The following CATSPER3 variants were observed in gnomAD, a reference collection of about 807,000 sequenced individuals.
The protein encoded by CATSPER3 is cation channel sperm associated 3.
In CATSPER3, 23 loss-of-function variants were observed where a neutral mutation model predicts 36.6. The ratio of observed to expected loss-of-function variants is 0.63; its 90% CI spans 0.45 to 0.89. CATSPER3 has a LOEUF of 0.89. CATSPER3 is among the 40% of genes least tolerant of loss of function. The pLI, the probability that CATSPER3 is intolerant of heterozygous loss-of-function variation, is 0.00. For missense variants in CATSPER3, 474 were observed against 503.9 expected (o/e 0.94, Z 0.57); for synonymous variants, 172 against 184.1 (o/e 0.93, Z 0.53).
intron 3 of CATSPER3, among the ~76,000 whole-genome samples, chr5:135,002,195 A>G (rs1480259842): frequency 6.6e-6 from 1 of 152,100 alleles, no homozygotes; most frequent in Non-Finnish European, 1.5e-5. Flanking sequence ...TTGTCTGTAA[A>G]GTATTTTATT....
At chr5:134,984,863 T>A (rs1270592050) in intron 2 of CATSPER3, among the ~76,000 whole-genome samples, 6 of 151,148 alleles carry the variant, frequency 4.0e-5, no homozygotes, top group African/African-American at 1.5e-4. Flanking sequence ...TTGCCCAGAC[T>A]GGAGTGCAGT....
chr5:135,011,348 C>G (rs553582053), intron 7 of CATSPER3, among the ~76,000 whole-genome samples, 173 bp from the exon 8 acceptor site: 2 of 152,312 alleles, frequency 1.3e-5, no homozygotes, highest in African/African-American at 4.8e-5. Context: ...CTCCAGGGGG[C>G]CCCAGGCAGA....
At chr5:134,997,351 T>A (rs1751962859) in intron 3 of CATSPER3, among the ~76,000 whole-genome samples, 2 of 152,228 alleles carry the variant, frequency 1.3e-5, no homozygotes, top group Admixed American at 1.3e-4. Context: ...CCTTTGTTTG[T>A]TTCTTGCTGT....
intron 3 of CATSPER3, among the ~76,000 whole-genome samples, chr5:134,997,033 C>T (rs1387750294): frequency 6.6e-6 from 1 of 152,256 alleles, no homozygotes; most frequent in Non-Finnish European, 1.5e-5. Flanking sequence ...ATGACCAACA[C>T]TCCCTTGACT....
rs760412285 is a variant in CATSPER3 at position 135,009,458 on chromosome 5, CAGG to C, written c.910_912del (p.Glu304del). 22 of 1,612,972 alleles carry C rather than the reference CAGG, an allele frequency of 1.4e-5. No individual in the cohort carries two copies. Among genetic ancestry groups the C allele is most frequent in the Admixed American group, 3.3e-5 (2 of 60,000 alleles). ...GAAGCAGGTGATTCTGCAGCGGCAG[CAGG>C]AGGAGATCAGCAGGCTGATGCACAT... On this transcript the variant is annotated inframe_deletion, in exon 6 of 8. Transcript: ENST00000282611.
intron 2 of CATSPER3, among the ~76,000 whole-genome samples, chr5:134,989,709 C>G (rs1053046036): frequency 3.3e-5 from 5 of 152,162 alleles, no homozygotes; most frequent in African/African-American, 1.2e-4. Flanking sequence ...CCAAAACTTT[C>G]TCCATATGAG....
intron 2 of CATSPER3, among the ~76,000 whole-genome samples, chr5:134,988,632 A>G (rs1478156500): frequency 2.6e-5 from 4 of 152,170 alleles, no homozygotes; most frequent in Non-Finnish European, 4.4e-5. Flanking sequence ...TTATCATGAG[A>G]TTGCAGCAGT....
intron 2 of CATSPER3, among the ~76,000 whole-genome samples, chr5:134,971,195 C>G (rs539560810): frequency 2.4e-4 from 37 of 152,198 alleles, no homozygotes; most frequent in African/African-American, 8.7e-4. Context: ...GTGATCCGCC[C>G]TCCTCGGCCT....
In CATSPER3 at chr5:135,010,453, G is replaced by A; in HGVS notation, c.1017G>A (p.Leu339=). The A allele has an allele frequency of 6.2e-7, 1 of 1,613,620 alleles. No individual in the cohort carries two copies. Among genetic ancestry groups the A allele is most frequent in the Non-Finnish European group, 8.5e-7 (1 of 1,179,520 alleles). The part of the protein sequence containing the change: ...KTLSHTDPMV[L]DDFGTSLPFI... ...TGAGCCACACTGACCCAATGGTCTT[G>A]GATGATTTTGGCACTAGCTTACCCT... The change falls in exon 7 of 8, where the codon TTG becomes TTA. Residue 339 remains leucine, a synonymous_variant. Coordinates refer to ENST00000282611, the MANE Select transcript of CATSPER3 (RefSeq NM_178019.3).
At chr5:134,992,764 G>A (rs1013365675) in intron 2 of CATSPER3, among the ~76,000 whole-genome samples, 2 of 152,210 alleles carry the variant, frequency 1.3e-5, no homozygotes, top group Admixed American at 6.5e-5. Flanking sequence ...ACTAACAAGT[G>A]TCGGTGAAGA....
At chr5:134,971,067 A>T in intron 2 of CATSPER3, among the ~76,000 whole-genome samples, 1 of 151,806 alleles carries the variant, frequency 6.6e-6, no homozygotes, top group Non-Finnish European at 1.5e-5. Context: ...CTCCTGCCTC[A>T]GCCTCCCGAG....
chr5:134,992,213 T>C (rs985497934), intron 2 of CATSPER3, among the ~76,000 whole-genome samples: 4 of 150,852 alleles, frequency 2.7e-5, no homozygotes, highest in Non-Finnish European at 5.9e-5. Context: ...CTAGAATATA[T>C]AAAGAACTTC....
intron 3 of CATSPER3, among the ~76,000 whole-genome samples, chr5:135,006,862 A>G (rs1256321074): frequency 6.6e-6 from 1 of 150,936 alleles, no homozygotes; most frequent in Non-Finnish European, 1.5e-5. Context: ...AATAATAATA[A>G]TAATAATAAA....
At chr5:134,968,291 A>T in intron 1 of CATSPER3, 1 of 563,574 alleles carries the variant, frequency 1.8e-6, no homozygotes, top group Non-Finnish European at 3.2e-6. Flanking sequence ...TTGAATGACC[A>T]GTTTGACCAG....
At chr5:134,998,121 T>C (rs113637967) in intron 3 of CATSPER3, among the ~76,000 whole-genome samples, 20,389 of 151,926 alleles carry the variant, frequency 0.13, 3,950 homozygotes, top group African/African-American at 0.43. Context: ...TTCCTGGGTC[T>C]AAGTGTTCTC....
chr5:134,990,436 C>T (rs1397070174), intron 2 of CATSPER3, among the ~76,000 whole-genome samples: 1 of 152,092 alleles, frequency 6.6e-6, no homozygotes, highest in Non-Finnish European at 1.5e-5. Flanking sequence ...ATCAGATATG[C>T]ATTTATCTCA....
chr5:134,986,710 G>T (rs1456683322), intron 2 of CATSPER3, among the ~76,000 whole-genome samples: 1 of 151,614 alleles, frequency 6.6e-6, no homozygotes, highest in Non-Finnish European at 1.5e-5. Context: ...TGATCCACCT[G>T]CCTCAGCCTC....
At chr5:135,009,280 T>G in intron 5 of CATSPER3, 91 bp from the exon 6 acceptor site, 1 of 1,355,824 alleles carries the variant, frequency 7.4e-7, no homozygotes, top group African/African-American at 1.4e-5. Context: ...GCTGAGGGCC[T>G]GAGCAGCGGT....
Position 135,009,237 on chromosome 5 carries a change from G to C in CATSPER3, c.817-134G>C, listed in dbSNP as rs919434980. On this transcript the variant is annotated intron_variant, in intron 5 of 7. Transcript: ENST00000282611. Reference sequence around the variant, plus strand: ...TGCAGCTACAGTTGGCAGCTTGAGTGGCGGCTGGCCCTGTGTGGGGAAAAG... The same window carrying C: ...TGCAGCTACAGTTGGCAGCTTGAGTCGCGGCTGGCCCTGTGTGGGGAAAAG... 53 of 1,041,246 alleles carry C rather than the reference G, an allele frequency of 5.1e-5. No individual in the cohort carries two copies. The Middle Eastern group carries it at 8.5e-4, about 17-fold the overall frequency. The allele number at this position is 1,041,246 out of a possible 1,614,324, so 64.5% of individuals were successfully genotyped here.
Sources: allele counts gnomAD v4.1 joint callset (sites outside exome capture counted in the v4.1 genomes callset), GRCh38; gene constraint gnomAD v4.1.1; transcripts MANE v1.5; gene names NCBI Gene and HGNC (gene_info 2026-07-23, HGNC 2026-07-21).